Variants in GRIK1 observed in about 807,000 individuals in gnomAD.
GRIK1 encodes the protein glutamate ionotropic receptor kainate type subunit 1.
A neutral mutation model predicts 105.7 loss-of-function variants in GRIK1; 69 were observed. That is an observed-to-expected ratio of 0.65 (90% CI 0.54 to 0.80). GRIK1 has a LOEUF of 0.80. Among genes scored for constraint, GRIK1 ranks in the 30% least tolerant of loss-of-function variants. The pLI, the probability that GRIK1 is intolerant of heterozygous loss-of-function variation, is 0.00. For missense variants in GRIK1, 1,109 were observed against 1,167.3 expected, an observed-to-expected ratio of 0.95 and a Z score of 0.73; for synonymous variants, 438 against 431.3, an observed-to-expected ratio of 1.02 and a Z score of -0.19.
chr21:29,568,091 G>A (rs900064675), intron 14 of GRIK1, among the ~76,000 whole-genome samples: 8 of 152,116 alleles, frequency 5.3e-5, no homozygotes, highest in African/African-American at 1.9e-4. Flanking sequence ...TTTTTCTCCT[G>A]TCTAGAGTTA....
rs540579998 is a variant in GRIK1, at chr21:29,917,016, A to T, written c.118+22367T>A. Among the ~76,000 whole-genome samples, 4 of 152,116 alleles carry T rather than the reference A, an allele frequency of 2.6e-5. No individual in the cohort carries two copies. The South Asian group carries it at 6.2e-4, about 24-fold the overall frequency. On this transcript the variant is annotated intron_variant, in intron 1 of 17. Coordinates refer to ENST00000327783, the MANE Select transcript of GRIK1 (RefSeq NM_001330994.2). ...CTCTCCAGAAAAAGTAATGACGTTTATGTGTTTTTCTCGAAATCAACATGC... is the reference window on the plus strand; with the variant it reads ...CTCTCCAGAAAAAGTAATGACGTTTTTGTGTTTTTCTCGAAATCAACATGC...
chr21:29,762,095 T>G (rs886932479), intron 1 of GRIK1, among the ~76,000 whole-genome samples: 1 of 152,226 alleles, frequency 6.6e-6, no homozygotes. Context: ...CAGTACAGTA[T>G]TTTTTCCACA....
chr21:29,866,764 G>A (rs1003520028), intron 1 of GRIK1, among the ~76,000 whole-genome samples: 3 of 152,190 alleles, frequency 2.0e-5, no homozygotes, highest in Non-Finnish European at 4.4e-5. Context: ...ATGTTTTGAA[G>A]TGTTATTCTT....
chr21:29,858,104 TG>T (rs1405665539), intron 1 of GRIK1, among the ~76,000 whole-genome samples: 1 of 152,168 alleles, frequency 6.6e-6, no homozygotes, highest in Non-Finnish European at 1.5e-5. Flanking sequence ...TTCACTATGT[TG>T]GCCAGCTGGT....
intron 7 of GRIK1, among the ~76,000 whole-genome samples, chr21:29,639,223 C>T (rs1193587564): frequency 6.6e-6 from 1 of 152,200 alleles, no homozygotes; most frequent in Non-Finnish European, 1.5e-5. Context: ...TTTGCTAATT[C>T]ATTCATTAAT....
chr21:29,605,612 T>C (rs2061598108), intron 7 of GRIK1, among the ~76,000 whole-genome samples: 1 of 152,200 alleles, frequency 6.6e-6, no homozygotes, highest in African/African-American at 2.4e-5. Context: ...AAAAGGTATT[T>C]CTGTGTTTAG....
Position 29,673,076 on chromosome 21 carries a change from A to C in GRIK1, c.633T>G (p.Asp211Glu). ...KIRQLPSGNK[D>E]AKPLLKEMKK... is the part of the protein sequence containing the mutation. ...TCATCTCCTTGAGTAAAGGCTTGGCATCTTTATTCCCAGAGGGCAGCTGGC... is the reference window on the plus strand; with the variant it reads ...TCATCTCCTTGAGTAAAGGCTTGGCCTCTTTATTCCCAGAGGGCAGCTGGC... The change falls in exon 4 of 18, where the codon GAT becomes GAG. Residue 211 changes from aspartate (D) to glutamate (E), a missense_variant. This residue lies in a region of GRIK1 where 612 missense variants were observed against 586.0 expected (regional missense o/e 1.04). Coordinates refer to ENST00000327783, the MANE Select transcript of GRIK1 (RefSeq NM_001330994.2). 1 of 1,611,040 alleles carries C rather than the reference A, an allele frequency of 6.2e-7. No homozygotes were observed. The highest frequency in any genetic ancestry group is 8.5e-7 in the Non-Finnish European group (1 of 1,177,206).
chr21:29,683,190 A>G (rs539874371), intron 3 of GRIK1, among the ~76,000 whole-genome samples: 2 of 152,366 alleles, frequency 1.3e-5, no homozygotes, highest in East Asian at 3.9e-4. Context: ...GGGAGTTTAA[A>G]TTAGTTCAGC....
chr21:29,834,629 G>A (rs423637), intron 1 of GRIK1, among the ~76,000 whole-genome samples: 1 of 150,492 alleles, frequency 6.6e-6, no homozygotes, highest in Non-Finnish European at 1.5e-5. Flanking sequence ...ACTCTACCCC[G>A]AAACTTCTTC....
At chr21:29,894,038 C>G (rs536503449) in intron 1 of GRIK1, among the ~76,000 whole-genome samples, 23 of 152,004 alleles carry the variant, frequency 1.5e-4, no homozygotes, top group African/African-American at 5.5e-4. Flanking sequence ...TGTTTTGTAC[C>G]GCTGGTTGTA....
intron 1 of GRIK1, among the ~76,000 whole-genome samples, chr21:29,875,722 A>G (rs561145573): frequency 1.3e-5 from 2 of 152,330 alleles, no homozygotes; most frequent in South Asian, 2.1e-4. Flanking sequence ...CTTTCAAGGT[A>G]GTAATTATGA....
In GRIK1 at chr21:29,677,613, G is replaced by A. The variant is rs531305090; in HGVS notation, c.545-4449C>T. On this transcript the variant is annotated intron_variant, in intron 3 of 17. Transcript: ENST00000327783. Reference sequence around the variant, plus strand: ...AAAAAAAACCTCTGCTATTTCCAGTGAGCATTGAAGATTTCCTATGCCTTC... The same window carrying A: ...AAAAAAAACCTCTGCTATTTCCAGTAAGCATTGAAGATTTCCTATGCCTTC... Among the ~76,000 whole-genome samples, 14 of 152,172 alleles carry A rather than the reference G, an allele frequency of 9.2e-5. 1 individual carries two copies. The highest frequency in any genetic ancestry group is 3.1e-4 in the African/African-American group (13 of 41,538).
intron 1 of GRIK1, among the ~76,000 whole-genome samples, chr21:29,793,160 C>A (rs916676584): frequency 6.6e-6 from 1 of 152,164 alleles, no homozygotes; most frequent in African/African-American, 2.4e-5. Flanking sequence ...TGCACACACA[C>A]TACATTGTTG....
intron 12 of GRIK1, among the ~76,000 whole-genome samples, chr21:29,585,069 G>A (rs1170957653): frequency 6.6e-6 from 1 of 152,172 alleles, no homozygotes; most frequent in Non-Finnish European, 1.5e-5. Flanking sequence ...TGCACTGGAT[G>A]TATAACACCT....
In GRIK1 at chr21:29,560,582, T is replaced by TCTCTCTC. The variant is rs1568815992; in HGVS notation, c.2356+1041_2356+1042insGAGAGAG. On this transcript the variant is annotated intron_variant, in intron 15 of 17. Transcript: ENST00000327783. ...TTTCTTTCTTTCTTTCTTTCTCTCT[T>TCTCTCTC]TCTTTCTTTCTCTCCTTCCTTCCTT... 6.9e-5 allele frequency among the ~76,000 whole-genome samples: 8 copies of TCTCTCTC among 116,378 alleles called. 1 individual carries two copies. Among genetic ancestry groups the TCTCTCTC allele is most frequent in the African/African-American group, 3.0e-4 (8 of 27,018 alleles). 76.3% of individuals were successfully genotyped at this position (116,378 alleles called of 152,430 possible).
At chr21:29,709,517 G>T (rs964476783) in intron 1 of GRIK1, among the ~76,000 whole-genome samples, 1 of 151,868 alleles carries the variant, frequency 6.6e-6, no homozygotes, top group Non-Finnish European at 1.5e-5. Flanking sequence ...CTGACCTCAG[G>T]TAATCTTGAA....
intron 1 of GRIK1, among the ~76,000 whole-genome samples, chr21:29,798,698 T>C (rs773300709): frequency 4.6e-5 from 7 of 152,224 alleles, no homozygotes; most frequent in Non-Finnish European, 1.0e-4. Flanking sequence ...TCCACTTTCC[T>C]CTCAATTCCT....
chr21:29,620,138 A>T (rs1421745182), intron 7 of GRIK1, among the ~76,000 whole-genome samples: 2 of 152,236 alleles, frequency 1.3e-5, no homozygotes. Flanking sequence ...TTAAGAAGTT[A>T]TTCGCCAAGT....
chr21:29,719,238 T>C (rs954362391), intron 1 of GRIK1, among the ~76,000 whole-genome samples: 13 of 151,630 alleles, frequency 8.6e-5, no homozygotes, highest in African/African-American at 3.1e-4. Context: ...TATTTTTATC[T>C]AGAAAAAATA....
Sources: allele counts gnomAD v4.1 joint callset (sites outside exome capture counted in the v4.1 genomes callset), GRCh38; gene constraint gnomAD v4.1.1; regional missense constraint gnomAD v4.1.1; transcripts MANE v1.5; gene names NCBI Gene and HGNC (gene_info 2026-07-23, HGNC 2026-07-21).